The following DPP10 variants were observed in gnomAD, a reference collection of about 807,000 sequenced individuals.
DPP10 encodes the protein dipeptidyl peptidase like 10, also known as inactive dipeptidyl peptidase 10.
In DPP10, 33 loss-of-function variants were observed where a neutral mutation model predicts 120.9. The observed-to-expected ratio is 0.27, with a 90% CI of 0.21 to 0.37. DPP10 has a LOEUF of 0.37. DPP10 is among the 10% of genes least tolerant of loss of function. The pLI is 1.00. For missense variants in DPP10, 816 were observed against 942.8 expected (o/e 0.87, Z 1.76); for synonymous variants, 337 against 326.1 (o/e 1.03, Z -0.36).
chr2:115,512,001 G>A (rs550399999), intron 4 of DPP10, among the ~76,000 whole-genome samples: 7 of 151,708 alleles, frequency 4.6e-5, no homozygotes, highest in African/African-American at 1.7e-4. Flanking sequence ...CAAAGTGTTG[G>A]GATTACAGGT....
chr2:114,967,881 G>A (rs1699143844), intron 1 of DPP10, among the ~76,000 whole-genome samples: 1 of 152,008 alleles, frequency 6.6e-6, no homozygotes, highest in African/African-American at 2.4e-5. Flanking sequence ...ACAGCATCAT[G>A]AGCATCACTT....
At chr2:115,347,588 C>A (rs986855478) in intron 3 of DPP10, among the ~76,000 whole-genome samples, 2 of 151,906 alleles carry the variant, frequency 1.3e-5, no homozygotes, top group Admixed American at 6.6e-5. Flanking sequence ...ACCCATCGTC[C>A]CATCATCTAC....
At chr2:115,445,126 C>T (rs1343257399) in intron 3 of DPP10, among the ~76,000 whole-genome samples, 2 of 152,152 alleles carry the variant, frequency 1.3e-5, no homozygotes, top group Non-Finnish European at 2.9e-5. Context: ...ACTTGCTTCT[C>T]CTTTGCCTTC....
At chr2:115,100,368 G>C (rs888457402) in intron 1 of DPP10, among the ~76,000 whole-genome samples, 6 of 152,118 alleles carry the variant, frequency 3.9e-5, no homozygotes, top group African/African-American at 1.4e-4. Flanking sequence ...AGGATTGCTT[G>C]AACCCAGGAG....
At chr2:115,173,734 A>G (rs1173472146) in intron 1 of DPP10, among the ~76,000 whole-genome samples, 4 of 152,164 alleles carry the variant, frequency 2.6e-5, no homozygotes, top group African/African-American at 9.6e-5. Flanking sequence ...TGACTCTGAG[A>G]GTCTTAAATA....
At chr2:115,741,360 A>AAT (rs1553494976) in intron 9 of DPP10, among the ~76,000 whole-genome samples, 3 of 151,882 alleles carry the variant, frequency 2.0e-5, no homozygotes, top group East Asian at 1.9e-4. Flanking sequence ...CACAAAAAAA[A>AAT]AATACTAAGA....
rs989973732 is a variant in DPP10, at chr2:114,520,411, G to C, written c.60+77573G>C. ...TGCTTCATAAAGGATATTGCTTAAA[G>C]GCAAAACACCGACTGCAAGAATGCC... is the stretch of plus-strand genomic sequence containing the variant. On this transcript the variant is annotated intron_variant, in intron 1 of 25. Transcript: ENST00000410059. Among the ~76,000 whole-genome samples, 4 of 152,150 alleles carry C rather than the reference G, an allele frequency of 2.6e-5. No individual in the cohort carries two copies. The East Asian group carries it at 7.7e-4, about 29-fold the overall frequency.
At chr2:115,029,506 G>T (rs1703697750) in intron 1 of DPP10, among the ~76,000 whole-genome samples, 1 of 151,406 alleles carries the variant, frequency 6.6e-6, no homozygotes, top group African/African-American at 2.4e-5. Context: ...TTTAAGACAG[G>T]TCTAATAGTG....
intron 1 of DPP10, among the ~76,000 whole-genome samples, chr2:115,110,810 T>G (rs898038363): frequency 6.6e-6 from 1 of 152,266 alleles, no homozygotes; most frequent in Admixed American, 6.5e-5. Flanking sequence ...GATAGTATCA[T>G]TTTATTTTAC....
chr2:115,718,944 G>A (rs1411920512), intron 7 of DPP10, among the ~76,000 whole-genome samples: 1 of 151,958 alleles, frequency 6.6e-6, no homozygotes, highest in African/African-American at 2.4e-5. Context: ...ACACATAAGG[G>A]ATTTTTAAAT....
At chr2:115,770,092 G>C (rs933404516) in intron 13 of DPP10, among the ~76,000 whole-genome samples, 5 of 151,984 alleles carry the variant, frequency 3.3e-5, no homozygotes, top group African/African-American at 1.2e-4. Context: ...TAGGTACCCT[G>C]CTGTGCTTTC....
chr2:115,365,513 T>G (rs2106371901), intron 3 of DPP10, among the ~76,000 whole-genome samples: 1 of 152,224 alleles, frequency 6.6e-6, no homozygotes, highest in Middle Eastern at 3.4e-3. Context: ...ACTCTTAGAA[T>G]TTCCATGTTT....
chr2:115,053,314 A>G (rs1340308851), intron 1 of DPP10, among the ~76,000 whole-genome samples: 1 of 152,240 alleles, frequency 6.6e-6, no homozygotes, highest in Non-Finnish European at 1.5e-5. Context: ...AGCACACGCT[A>G]CAATATCCAT....
intron 1 of DPP10, among the ~76,000 whole-genome samples, chr2:114,522,257 T>G (rs947278774): frequency 6.6e-6 from 1 of 152,072 alleles, no homozygotes; most frequent in African/African-American, 2.4e-5. Context: ...GTGCTGGGAT[T>G]ACAGGCGTGA....
chr2:114,556,536 T>A (rs898228618), intron 1 of DPP10, among the ~76,000 whole-genome samples: 4 of 152,040 alleles, frequency 2.6e-5, no homozygotes, highest in Non-Finnish European at 5.9e-5. Context: ...TTTTACAGTT[T>A]GACTTTATAC....
At chr2:115,262,703 A>G (rs1342859445) in intron 1 of DPP10, among the ~76,000 whole-genome samples, 2 of 152,166 alleles carry the variant, frequency 1.3e-5, no homozygotes, top group Non-Finnish European at 2.9e-5. Context: ...GATAAATTGC[A>G]TGCTTAGAAA....
At chr2:115,305,430 A>G (rs749877033) in intron 1 of DPP10, among the ~76,000 whole-genome samples, 1 of 152,076 alleles carries the variant, frequency 6.6e-6, no homozygotes, top group African/African-American at 2.4e-5. Flanking sequence ...TAACTGACGT[A>G]AGGAATCTAA....
chr2:115,554,431 A>G (rs1396389106), intron 5 of DPP10, among the ~76,000 whole-genome samples: 3 of 151,946 alleles, frequency 2.0e-5, no homozygotes, highest in Non-Finnish European at 4.4e-5. Context: ...AAGACTAAGA[A>G]TTTGTTCTTG....
chr2:115,754,775 T>C (rs949371498), intron 11 of DPP10, among the ~76,000 whole-genome samples: 3 of 152,096 alleles, frequency 2.0e-5, no homozygotes, highest in Admixed American at 2.0e-4. Context: ...CTACAAAGGA[T>C]AGTAATATTG....
Sources: allele counts gnomAD v4.1 joint callset (sites outside exome capture counted in the v4.1 genomes callset), GRCh38; gene constraint gnomAD v4.1.1; transcripts MANE v1.5; gene names NCBI Gene and HGNC (gene_info 2026-07-23, HGNC 2026-07-21).